The following NPSR1 variants were observed in gnomAD, a reference collection of about 807,000 sequenced individuals.
NPSR1 encodes neuropeptide S receptor.
In NPSR1, 48 loss-of-function variants were observed where a neutral mutation model predicts 46.9. The ratio of observed to expected loss-of-function variants is 1.02; its 90% CI spans 0.81 to 1.30. The LOEUF (loss-of-function observed/expected upper bound fraction) is 1.30, where lower values mean the gene tolerates loss of function less well. NPSR1 is among the 50% of genes most tolerant of loss of function. The pLI, the probability that NPSR1 is intolerant of heterozygous loss-of-function variation, is 0.00. For missense variants in NPSR1, 450 were observed against 449.5 expected (o/e 1.00, Z -0.01); for synonymous variants, 176 against 168.1 (o/e 1.05, Z -0.36).
chr7:34,726,423 A>G (rs1055807668), intron 2 of NPSR1, among the ~76,000 whole-genome samples: 3 of 152,220 alleles, frequency 2.0e-5, no homozygotes, highest in Non-Finnish European at 4.4e-5. Flanking sequence ...AATGCGAAAT[A>G]GGACTGTCAC....
intron 2 of NPSR1, among the ~76,000 whole-genome samples, chr7:34,748,473 G>A (rs9986880): frequency 6.6e-6 from 1 of 152,054 alleles, no homozygotes; most frequent in South Asian, 2.1e-4. Flanking sequence ...TGAGACTAGG[G>A]GTGGTGGCAG....
chr7:34,764,005 T>G (rs1786306382), intron 2 of NPSR1, among the ~76,000 whole-genome samples: 1 of 152,230 alleles, frequency 6.6e-6, no homozygotes, highest in Non-Finnish European at 1.5e-5. Context: ...TGCAATGAGA[T>G]TCTGCCTTAG....
chr7:34,708,714 T>C (rs1224737375), intron 2 of NPSR1, among the ~76,000 whole-genome samples: 1 of 152,218 alleles, frequency 6.6e-6, no homozygotes, highest in Non-Finnish European at 1.5e-5. Flanking sequence ...TTGAATATCT[T>C]TGAGTATTAA....
At chr7:34,845,916 C>G (rs1460392129) in intron 7 of NPSR1, among the ~76,000 whole-genome samples, 1 of 152,170 alleles carries the variant, frequency 6.6e-6, no homozygotes, top group Non-Finnish European at 1.5e-5. Flanking sequence ...TCTGGCAGCT[C>G]TTGAAGCTCC....
intron 2 of NPSR1, among the ~76,000 whole-genome samples, chr7:34,764,735 A>G (rs1248785918): frequency 1.3e-5 from 2 of 152,140 alleles, no homozygotes; most frequent in African/African-American, 4.8e-5. Context: ...CAACACCAAT[A>G]CCATTGGAAG....
intron 3 of NPSR1, among the ~76,000 whole-genome samples, chr7:34,804,711 C>T (rs1030099912): frequency 1.1e-4 from 16 of 151,812 alleles, no homozygotes; most frequent in African/African-American, 3.1e-4. Flanking sequence ...AAAGTTTATA[C>T]ATTGGAAAAG....
chr7:34,824,868 C>G (rs1294958258), intron 4 of NPSR1, among the ~76,000 whole-genome samples: 12 of 152,016 alleles, frequency 7.9e-5, no homozygotes, highest in Non-Finnish European at 1.8e-4. Flanking sequence ...CTTCACACCC[C>G]CACCATCAAG....
chr7:34,866,353 C>A (rs1243421861), intron 8 of NPSR1, among the ~76,000 whole-genome samples: 1 of 151,766 alleles, frequency 6.6e-6, no homozygotes, highest in Non-Finnish European at 1.5e-5. Context: ...AGGAAGTCAG[C>A]TCATGGAGAA....
At chr7:34,740,833 C>T (rs12534336) in intron 2 of NPSR1, among the ~76,000 whole-genome samples, 1,717 of 152,236 alleles carry the variant, frequency 0.011, 76 homozygotes, top group Admixed American at 0.073. Context: ...TTTATTCCTG[C>T]AGTCATTCTG....
intron 3 of NPSR1, among the ~76,000 whole-genome samples, chr7:34,791,312 A>G (rs1787868513): frequency 6.9e-6 from 1 of 144,534 alleles, no homozygotes; most frequent in South Asian, 2.1e-4. Context: ...TATAATATAT[A>G]TACACAAAAC....
intron 1 of NPSR1, among the ~76,000 whole-genome samples, chr7:34,671,742 C>T (rs1276452525): frequency 6.6e-6 from 1 of 152,196 alleles, no homozygotes; most frequent in Admixed American, 6.5e-5. Context: ...GCCCCCTCCC[C>T]TACTGTTCTC....
chr7:34,862,596 G>T (rs1388992708), intron 8 of NPSR1, among the ~76,000 whole-genome samples: 1 of 151,702 alleles, frequency 6.6e-6, no homozygotes, highest in Admixed American at 6.5e-5. Context: ...CAGCTTCTCT[G>T]TAGATACTTT....
chr7:34,748,100 C>T (rs1362292013), intron 2 of NPSR1, among the ~76,000 whole-genome samples: 1 of 152,210 alleles, frequency 6.6e-6, no homozygotes, highest in Admixed American at 6.5e-5. Context: ...GGAGTTGGAC[C>T]TCTGCCAGTC....
chr7:34,719,142 G>A (rs1783722672), intron 2 of NPSR1: 1 of 152,426 alleles, frequency 6.6e-6, no homozygotes, highest in Admixed American at 6.5e-5. Flanking sequence ...AATGGCATGT[G>A]GTGACTATGC....
intron 2 of NPSR1, among the ~76,000 whole-genome samples, chr7:34,713,661 G>A (rs1783412885): frequency 6.6e-6 from 1 of 152,178 alleles, no homozygotes; most frequent in Non-Finnish European, 1.5e-5. Context: ...CTGTGCAGAA[G>A]TCAATGCTCC....
At chr7:34,743,171 T>C (rs912070901) in intron 2 of NPSR1, among the ~76,000 whole-genome samples, 1 of 152,228 alleles carries the variant, frequency 6.6e-6, no homozygotes. Flanking sequence ...CACTTGTCAA[T>C]TGTTGATTTT....
chr7:34,813,993 A>T (rs1006226577), intron 4 of NPSR1, among the ~76,000 whole-genome samples: 3 of 152,244 alleles, frequency 2.0e-5, no homozygotes, highest in African/African-American at 7.2e-5. Context: ...AGCATGATCG[A>T]TGCAGAAGAC....
chr7:34,681,111 C>T (rs114380109), intron 1 of NPSR1, among the ~76,000 whole-genome samples: 106 of 152,190 alleles, frequency 7.0e-4, no homozygotes, highest in African/African-American at 2.5e-3. Context: ...TGACACAATC[C>T]TTTGGGACCC....
At chr7:34,791,849 A>C (rs990224661) in intron 3 of NPSR1, among the ~76,000 whole-genome samples, 1 of 152,172 alleles carries the variant, frequency 6.6e-6, no homozygotes, top group Admixed American at 6.6e-5. Context: ...ATGAAGGCAG[A>C]CATATAGACA....
Sources: gnomAD v4.1 joint callset for allele counts (sites outside exome capture counted in the v4.1 genomes callset) on GRCh38, gnomAD v4.1.1 for gene constraint, MANE v1.5 for transcripts, NCBI Gene and HGNC (gene_info 2026-07-23, HGNC 2026-07-21) for gene names.